THSD7A: variants seen among roughly 807,000 people sequenced by gnomAD.
THSD7A encodes thrombospondin type-1 domain-containing protein 7A.
In THSD7A, 96 loss-of-function variants were observed where a neutral mutation model predicts 231.3. The ratio of observed to expected loss-of-function variants is 0.41; its 90% CI spans 0.35 to 0.49. THSD7A has a LOEUF of 0.49. Ranked by LOEUF, THSD7A falls within the 20% of genes least tolerant of loss-of-function variation. The probability of loss-of-function intolerance (pLI) is 0.05; values close to 1 mark genes in which losing one functional copy is unlikely to be tolerated. For missense variants in THSD7A, 2,290 were observed against 2,070.2 expected (o/e 1.11, Z -2.06); for synonymous variants, 940 against 743.3 (o/e 1.26, Z -4.30).
rs1562553954 is a variant in THSD7A, at chr7:11,372,711, CT to C, written c.*3082del. ...ATTCTAGGGAACAGCAGTTCTACATCTTTTACCCCCTCGGTGAGGTAAAAGT... is the reference window on the plus strand; with the variant it reads ...ATTCTAGGGAACAGCAGTTCTACATCTTTACCCCCTCGGTGAGGTAAAAGT... On this transcript the variant is annotated 3_prime_UTR_variant, in exon 28 of 28. Transcript: ENST00000423059. 1 of 152,020 alleles carries C rather than the reference CT, an allele frequency of 6.6e-6. No individual in the cohort carries two copies. The highest frequency in any genetic ancestry group is 2.1e-4 in the South Asian group (1 of 4,822). 9.4% of individuals were successfully genotyped at this position (152,020 alleles called of 1,614,324 possible).
intron 1 of THSD7A, chr7:11,820,976 A>T: frequency 1.9e-6 from 2 of 1,033,166 alleles, no homozygotes; most frequent in South Asian, 3.0e-5. Context: ...CAAGGCGGAG[A>T]TCAACAGGAT....
At position 11,603,795 on chromosome 7, in the gene THSD7A, G is replaced by A. The variant is rs536380402; in HGVS notation, c.1023-10293C>T. On this transcript the variant is annotated intron_variant, in intron 2 of 27. Transcript: ENST00000423059. ...TCGCAAGAACAAAAAACCAAACACC[G>A]CATATTCTCACTCATAGGTGGGAAT... 5.4e-4 allele frequency among the ~76,000 whole-genome samples: 80 copies of A among 148,806 alleles called. 1 individual carries two copies. The South Asian group carries it at 0.012, about 23-fold the overall frequency.
In THSD7A at chr7:11,374,533, A is replaced by G. The variant is rs1289753720; in HGVS notation, c.*1261T>C. Reference sequence around the variant, plus strand: ...ATCAGAGAGAAAGAAAAATCAACATATAATTTTGATTTCCTTTAGTTACAA... The same window carrying G: ...ATCAGAGAGAAAGAAAAATCAACATGTAATTTTGATTTCCTTTAGTTACAA... On this transcript the variant is annotated 3_prime_UTR_variant, in exon 28 of 28. Coordinates refer to ENST00000423059, the MANE Select transcript of THSD7A (RefSeq NM_015204.3). 2.0e-5 allele frequency: 3 copies of G among 152,140 alleles called. No individual in the cohort carries two copies. The highest frequency in any genetic ancestry group is 4.4e-5 in the Non-Finnish European group (3 of 67,998). The allele number at this position is 152,140 out of a possible 1,614,324, so 9.4% of individuals were successfully genotyped here. A position where few individuals can be genotyped will look rare whatever the true frequency, so the allele number is the denominator to read the frequency against.
At chr7:11,503,798 G>C (rs890562409) in intron 6 of THSD7A, among the ~76,000 whole-genome samples, 3 of 152,126 alleles carry the variant, frequency 2.0e-5, no homozygotes, top group Admixed American at 1.3e-4. Context: ...TTATTAAAAA[G>C]TTAAAAAATA....
rs1319878489 is a variant in THSD7A at position 11,509,823 on chromosome 7, A to AAAAAAAAAAATAAAAT, written c.1823-27842_1823-27841insATTTTATTTTTTTTTT. ...GGCGACAGAGCCAGAGTCCGTCTCA[A>AAAAAAAAAAATAAAAT]AAAAAAAAAAAAATAACATCTGAAG... On this transcript the variant is annotated intron_variant, in intron 6 of 27. Coordinates refer to ENST00000423059, the MANE Select transcript of THSD7A (RefSeq NM_015204.3). 4.5e-3 allele frequency among the ~76,000 whole-genome samples: 639 copies of AAAAAAAAAAATAAAAT among 141,802 alleles called. 59 individuals carry two copies. The highest frequency in any genetic ancestry group is 0.016 in the African/African-American group (607 of 37,352). 93.0% of individuals were successfully genotyped at this position (141,802 alleles called of 152,430 possible).
chr7:11,705,636 G>A (rs1036572978), intron 1 of THSD7A, among the ~76,000 whole-genome samples: 1 of 150,956 alleles, frequency 6.6e-6, no homozygotes, highest in African/African-American at 2.4e-5. Context: ...CAGTTTTTAG[G>A]TGTTACAATA....
At chr7:11,405,213 G>A (rs1011464537) in intron 22 of THSD7A, among the ~76,000 whole-genome samples, 4 of 148,498 alleles carry the variant, frequency 2.7e-5, no homozygotes, top group African/African-American at 1.0e-4. Context: ...GCTAGCCCAT[G>A]TCAGTTTTTC....
chr7:11,513,583 C>A (rs1787907837), intron 6 of THSD7A, among the ~76,000 whole-genome samples: 1 of 151,952 alleles, frequency 6.6e-6, no homozygotes. Flanking sequence ...TATAGAAATA[C>A]CCAGAACTGG....
intron 1 of THSD7A, among the ~76,000 whole-genome samples, chr7:11,792,541 C>T (rs1392574419): frequency 1.3e-5 from 2 of 151,786 alleles, no homozygotes; most frequent in African/African-American, 4.8e-5. Flanking sequence ...TACGCAAATA[C>T]AAATTCCAGG....
Position 11,715,182 on chromosome 7 carries a change from T to G in THSD7A, c.191-78221A>C, listed in dbSNP as rs558722134. On this transcript the variant is annotated intron_variant, in intron 1 of 27. Coordinates refer to ENST00000423059, the MANE Select transcript of THSD7A (RefSeq NM_015204.3). ...ACTGAAGTTTACCAATTAAATTCCATGTAGAAAAATCATATTGTTTTCCTC... is the reference window on the plus strand; with the variant it reads ...ACTGAAGTTTACCAATTAAATTCCAGGTAGAAAAATCATATTGTTTTCCTC... 5.3e-5 allele frequency among the ~76,000 whole-genome samples: 8 copies of G among 151,566 alleles called. No individual in the cohort carries two copies. The East Asian group carries it at 1.4e-3, about 26-fold the overall frequency.
intron 19 of THSD7A, among the ~76,000 whole-genome samples, chr7:11,410,060 C>G (rs963956788): frequency 1.5e-4 from 23 of 152,100 alleles, no homozygotes; most frequent in African/African-American, 5.6e-4. Flanking sequence ...ACATTATTCT[C>G]ATAATGGTTA....
intron 1 of THSD7A, among the ~76,000 whole-genome samples, chr7:11,737,864 C>A (rs1321404734): frequency 6.6e-6 from 1 of 151,798 alleles, no homozygotes; most frequent in Non-Finnish European, 1.5e-5. Context: ...ATTAGGGCAG[C>A]CAGTATGATC....
intron 1 of THSD7A, among the ~76,000 whole-genome samples, chr7:11,756,679 A>T (rs182425163): frequency 1.5e-3 from 232 of 152,194 alleles, no homozygotes; most frequent in African/African-American, 5.3e-3. Context: ...GGTTGCATGG[A>T]TTTGCTTGTT....
intron 1 of THSD7A, among the ~76,000 whole-genome samples, chr7:11,675,924 G>C (rs1010975106): frequency 6.6e-6 from 1 of 152,198 alleles, no homozygotes. Flanking sequence ...CTAAGGGATA[G>C]ACTAACTCCT....
At chr7:11,440,046 G>T (rs1277298107) in intron 13 of THSD7A, among the ~76,000 whole-genome samples, 1 of 151,852 alleles carries the variant, frequency 6.6e-6, no homozygotes, top group Non-Finnish European at 1.5e-5. Context: ...TAATGCAGTT[G>T]GTGACTTTAA....
At chr7:11,780,870 A>G (rs1235905047) in intron 1 of THSD7A, among the ~76,000 whole-genome samples, 2 of 151,102 alleles carry the variant, frequency 1.3e-5, no homozygotes, top group Non-Finnish European at 3.0e-5. Context: ...GGGCGCCTGT[A>G]GTCCCAGCTA....
intron 10 of THSD7A, among the ~76,000 whole-genome samples, chr7:11,461,428 C>A (rs1250109974): frequency 6.6e-6 from 1 of 152,092 alleles, no homozygotes; most frequent in East Asian, 1.9e-4. Flanking sequence ...ATGTATACGT[C>A]AGATTTCTAT....
intron 1 of THSD7A, among the ~76,000 whole-genome samples, chr7:11,779,442 C>A (rs1397174580): frequency 1.3e-5 from 2 of 152,176 alleles, no homozygotes; most frequent in African/African-American, 4.8e-5. Flanking sequence ...TTATCCAAAT[C>A]TCTTTGTCTG....
intron 23 of THSD7A, among the ~76,000 whole-genome samples, chr7:11,397,780 A>C (rs533143643): frequency 6.6e-6 from 1 of 152,354 alleles, no homozygotes; most frequent in African/African-American, 2.4e-5. Context: ...GACATTATGC[A>C]GCCAACAAAC....
Sources: allele counts gnomAD v4.1 joint callset (sites outside exome capture counted in the v4.1 genomes callset), GRCh38; gene constraint gnomAD v4.1.1; transcripts MANE v1.5; gene names NCBI Gene and HGNC (gene_info 2026-07-23, HGNC 2026-07-21).